The following SDCCAG8 variants were observed in gnomAD, a reference collection of about 807,000 sequenced individuals.
The protein encoded by SDCCAG8 is SHH signaling and ciliogenesis regulator SDCCAG8.
Under a neutral mutation model 101.8 loss-of-function variants are expected in SDCCAG8, and 74 were observed. The ratio of observed to expected loss-of-function variants is 0.73; its 90% CI spans 0.60 to 0.88. The LOEUF (loss-of-function observed/expected upper bound fraction) is 0.88. Ranked by LOEUF, SDCCAG8 falls within the 40% of genes least tolerant of loss-of-function variation. The probability of loss-of-function intolerance (pLI) is 0.00; values close to 1 mark genes in which losing one functional copy is unlikely to be tolerated. For missense variants in SDCCAG8, 787 were observed against 822.6 expected, an observed-to-expected ratio of 0.96 and a Z score of 0.53; for synonymous variants, 281 against 292.9, an observed-to-expected ratio of 0.96 and a Z score of 0.41.
In SDCCAG8 at chr1:243,445,654, A is replaced by AC. The variant is rs201421286; in HGVS notation, c.1985+19099dup. Among the ~76,000 whole-genome samples, 1,150 of 152,232 alleles carry AC rather than the reference A, an allele frequency of 7.6e-3. 4 individuals are homozygous for AC. Among genetic ancestry groups the AC allele is most frequent in the Non-Finnish European group, 0.011 (721 of 68,026 alleles). ...ATGTCATTTGCCCTGGATAAACAAC[A>AC]CCCAAAATACATCTTTTATTGCACC... is the stretch of plus-strand genomic sequence containing the variant. On this transcript the variant is annotated intron_variant, in intron 16 of 17. Coordinates refer to ENST00000366541, the MANE Select transcript of SDCCAG8 (RefSeq NM_006642.5).
intron 1 of SDCCAG8, among the ~76,000 whole-genome samples, chr1:243,262,038 A>T: frequency 6.6e-6 from 1 of 151,202 alleles, no homozygotes. Flanking sequence ...TCAAACTCCC[A>T]ACCTCAGGTG....
At chr1:243,486,419 C>T (rs1664847535) in intron 16 of SDCCAG8, among the ~76,000 whole-genome samples, 1 of 152,116 alleles carries the variant, frequency 6.6e-6, no homozygotes, top group Non-Finnish European at 1.5e-5. Flanking sequence ...TCTTGTGGGG[C>T]TCACACCCAG....
chr1:243,483,263 C>T (rs1438536982), intron 16 of SDCCAG8, among the ~76,000 whole-genome samples: 1 of 152,048 alleles, frequency 6.6e-6, no homozygotes, highest in Admixed American at 6.5e-5. Flanking sequence ...GGCGGCGTGT[C>T]CCTGCCTCCC....
chr1:243,392,469 A>G (rs765900479), intron 13 of SDCCAG8, among the ~76,000 whole-genome samples: 4 of 152,212 alleles, frequency 2.6e-5, no homozygotes, highest in Non-Finnish European at 4.4e-5. Flanking sequence ...GCTTTGTTAC[A>G]GTGATGGCAG....
chr1:243,392,756 G>A (rs754618372), intron 13 of SDCCAG8, among the ~76,000 whole-genome samples: 1 of 152,128 alleles, frequency 6.6e-6, no homozygotes, highest in Non-Finnish European at 1.5e-5. Context: ...TTTAGATGCC[G>A]TTTCATATGT....
At chr1:243,465,915 A>G (rs1660041341) in intron 16 of SDCCAG8, among the ~76,000 whole-genome samples, 1 of 152,304 alleles carries the variant, frequency 6.6e-6, no homozygotes, top group Non-Finnish European at 1.5e-5. Context: ...GCAGATGACT[A>G]GCATGACCTC....
intron 9 of SDCCAG8, among the ~76,000 whole-genome samples, chr1:243,330,203 A>G (rs547397689): frequency 6.6e-6 from 1 of 152,332 alleles, no homozygotes; most frequent in Non-Finnish European, 1.5e-5. Context: ...TAGTATAAAC[A>G]TGATATATAA....
Position 243,341,169 on chromosome 1 carries a change from C to A in SDCCAG8, c.1352C>A (p.Thr451Lys). 6.2e-7 allele frequency: 1 copy of A among 1,613,804 alleles called. No individual in the cohort carries two copies. Among genetic ancestry groups the A allele is most frequent in the Non-Finnish European group, 8.5e-7 (1 of 1,179,848 alleles). The change falls in exon 11 of 18, where the codon ACA becomes AAA. Residue 451 changes from threonine (T) to lysine (K), a missense_variant. Thr to Lys is a moderately conservative substitution (Grantham distance 78, BLOSUM62 -1). Transcript: ENST00000366541. ...CTGGCTTCTCGGGAAATGGATGTCA[C>A]AAAGGTACAGAAAGAGATTTTAGTG... The part of the protein sequence containing the change: ...SQLASREMDV[T>K]KVCGEMRYQL...
chr1:243,389,775 G>A (rs1396485841), intron 13 of SDCCAG8, among the ~76,000 whole-genome samples: 1 of 152,182 alleles, frequency 6.6e-6, no homozygotes, highest in African/African-American at 2.4e-5. Context: ...AGCCTCCGAA[G>A]GGGAAGCTTG....
At chr1:243,273,605 C>A (rs1372364307) in intron 3 of SDCCAG8, among the ~76,000 whole-genome samples, 2 of 152,154 alleles carry the variant, frequency 1.3e-5, no homozygotes, top group African/African-American at 2.4e-5. Flanking sequence ...AGCCAAAAAT[C>A]AAAAACTACA....
intron 10 of SDCCAG8, among the ~76,000 whole-genome samples, chr1:243,339,459 A>C (rs568775332): frequency 2.5e-4 from 38 of 152,162 alleles, no homozygotes; most frequent in Non-Finnish European, 4.6e-4. Context: ...TTGATGTTAT[A>C]TTTAACTTCT....
At chr1:243,341,352 A>C (rs1237294465) in intron 11 of SDCCAG8, among the ~76,000 whole-genome samples, 179 bp downstream of exon 11, 2 of 152,260 alleles carry the variant, frequency 1.3e-5, no homozygotes, top group African/African-American at 4.8e-5. Context: ...CAGTTACTAC[A>C]TGCAGCCCCT....
intron 16 of SDCCAG8, among the ~76,000 whole-genome samples, chr1:243,429,695 AT>A (rs796450909): frequency 2.4e-3 from 222 of 92,894 alleles, no homozygotes; most frequent in Middle Eastern, 7.2e-3. Context: ...TGCTCTGCTA[AT>A]TTTTTTTTTT....
chr1:243,447,272 A>AC (rs2082993671), intron 16 of SDCCAG8, among the ~76,000 whole-genome samples: 2 of 151,256 alleles, frequency 1.3e-5, no homozygotes, highest in South Asian at 2.1e-4. Flanking sequence ...AAAAAAAAAA[A>AC]AAAACCATGC....
intron 16 of SDCCAG8, among the ~76,000 whole-genome samples, chr1:243,443,132 T>C (rs1265017849): frequency 6.6e-6 from 1 of 152,182 alleles, no homozygotes; most frequent in East Asian, 1.9e-4. Context: ...AGCTCTATTG[T>C]GTTTTATTTT....
intron 4 of SDCCAG8, among the ~76,000 whole-genome samples, chr1:243,276,058 T>G (rs537958639): frequency 2.0e-5 from 3 of 152,108 alleles, no homozygotes; most frequent in East Asian, 1.9e-4. Context: ...GAGACGGGGT[T>G]TCACCATGTT....
At chr1:243,334,370 ACT>A (rs1452289866) in intron 10 of SDCCAG8, among the ~76,000 whole-genome samples, 2 of 151,932 alleles carry the variant, frequency 1.3e-5, no homozygotes, top group African/African-American at 4.8e-5. Context: ...TAGCATGAAG[ACT>A]CTACAATATT....
In SDCCAG8 at chr1:243,416,885, C is replaced by G. The variant is rs1291738867; in HGVS notation, c.1744+1056C>G. Among the ~76,000 whole-genome samples the G allele has an allele frequency of 2.6e-5, 4 of 152,208 alleles. No homozygotes were observed. In the East Asian group the frequency reaches 7.7e-4, roughly 29 times the overall value. Reference sequence around the variant, plus strand: ...GCCTTGATTTATTTTGATTTGTATGCTATATGCTTTTTGCCAATCATTGGC... The same window carrying G: ...GCCTTGATTTATTTTGATTTGTATGGTATATGCTTTTTGCCAATCATTGGC... On this transcript the variant is annotated intron_variant, in intron 14 of 17. Transcript: ENST00000366541. The surrounding 1 kb of genome is among the most constrained non-coding windows in gnomAD (Gnocchi z 4.3).
At chr1:243,307,316 A>C (rs1051161219) in intron 7 of SDCCAG8, 2 of 763,690 alleles carry the variant, frequency 2.6e-6, no homozygotes, top group Non-Finnish European at 3.1e-6. Context: ...AGCAGCCTGT[A>C]TGTTTCCAGC....
Sources: allele counts gnomAD v4.1 joint callset (sites outside exome capture counted in the v4.1 genomes callset), GRCh38; gene constraint gnomAD v4.1.1; non-coding constraint Gnocchi (gnomAD v3.1); transcripts MANE v1.5; gene names NCBI Gene and HGNC (gene_info 2026-07-23, HGNC 2026-07-21).